The following MDGA2 variants were observed in gnomAD, a reference collection of about 807,000 sequenced individuals.
The protein encoded by MDGA2 is MAM domain-containing glycosylphosphatidylinositol anchor protein 2.
In MDGA2, 40 loss-of-function variants were observed where a neutral mutation model predicts 117.8. The ratio of observed to expected loss-of-function variants is 0.34; its 90% confidence interval spans 0.26 to 0.44. The LOEUF is 0.44. MDGA2 is among the 20% of genes least tolerant of loss of function. The probability of loss-of-function intolerance (pLI) is 1.00; values close to 1 mark genes in which losing one functional copy is unlikely to be tolerated. For synonymous variants in MDGA2, 452 were observed against 439.0 expected, an observed-to-expected ratio of 1.03 and a Z score of -0.37; for missense variants, 1,123 against 1,250.6, an observed-to-expected ratio of 0.90 and a Z score of 1.54.
intron 1 of MDGA2, among the ~76,000 whole-genome samples, chr14:47,459,230 C>G (rs1893429241): frequency 6.6e-6 from 1 of 151,858 alleles, no homozygotes; most frequent in East Asian, 1.9e-4. Flanking sequence ...CTTACTTTCT[C>G]AAGAAGGATT....
intron 3 of MDGA2, among the ~76,000 whole-genome samples, chr14:47,175,875 C>T (rs145844821): frequency 0.094 from 14,180 of 151,634 alleles, 730 homozygotes; most frequent in African/African-American, 0.11. Flanking sequence ...TGTTTGCAGA[C>T]GACATGATTG....
At chr14:46,864,944 G>C (rs148893241) in intron 14 of MDGA2, among the ~76,000 whole-genome samples, 10 of 151,998 alleles carry the variant, frequency 6.6e-5, no homozygotes, top group African/African-American at 1.7e-4. Context: ...TTCTCCTAGA[G>C]TCAGTGAAAT....
At chr14:47,025,841 T>C (rs1231638681) in intron 8 of MDGA2, among the ~76,000 whole-genome samples, 1 of 152,158 alleles carries the variant, frequency 6.6e-6, no homozygotes, top group Non-Finnish European at 1.5e-5. Flanking sequence ...CTCCACTGAT[T>C]CAATTAAAAC....
intron 1 of MDGA2, among the ~76,000 whole-genome samples, chr14:47,404,780 T>A (rs1310346637): frequency 6.6e-6 from 1 of 152,148 alleles, no homozygotes; most frequent in Non-Finnish European, 1.5e-5. Context: ...AGGTGTGAGC[T>A]ACCATGCCCA....
At chr14:47,399,398 T>G (rs1026729897) in intron 1 of MDGA2, among the ~76,000 whole-genome samples, 12 of 152,228 alleles carry the variant, frequency 7.9e-5, no homozygotes, top group African/African-American at 2.9e-4. Flanking sequence ...AAATATCTAT[T>G]TGCATAGTTG....
intron 1 of MDGA2, among the ~76,000 whole-genome samples, chr14:47,393,415 T>A (rs200339072): frequency 6.9e-5 from 10 of 144,968 alleles, no homozygotes; most frequent in Non-Finnish European, 1.2e-4. Flanking sequence ...TTAAAAAAAA[T>A]AAAAATATAA....
At chr14:47,309,977 T>G (rs1159862655) in intron 1 of MDGA2, among the ~76,000 whole-genome samples, 1 of 152,160 alleles carries the variant, frequency 6.6e-6, no homozygotes, top group African/African-American at 2.4e-5. Context: ...AAAACTATCT[T>G]GTTTGACAAG....
intron 8 of MDGA2, among the ~76,000 whole-genome samples, chr14:46,978,276 C>G (rs1886543682): frequency 6.6e-6 from 1 of 151,732 alleles, no homozygotes; most frequent in Non-Finnish European, 1.5e-5. Context: ...TGTTAGGAAC[C>G]ATTCATATTT....
intron 6 of MDGA2, among the ~76,000 whole-genome samples, chr14:47,096,232 G>C (rs199879571): frequency 6.6e-6 from 1 of 151,958 alleles, no homozygotes; most frequent in East Asian, 1.9e-4. Flanking sequence ...AACACTACTC[G>C]ACCTATAAGA....
At chr14:47,562,145 G>A (rs192408629) in intron 1 of MDGA2, among the ~76,000 whole-genome samples, 4 of 152,184 alleles carry the variant, frequency 2.6e-5, no homozygotes, top group Non-Finnish European at 4.4e-5. Flanking sequence ...TTTGTTGAGG[G>A]TTTTGGCATC....
chr14:47,268,109 G>T (rs1473667303), intron 2 of MDGA2, among the ~76,000 whole-genome samples: 2 of 144,202 alleles, frequency 1.4e-5, no homozygotes, highest in East Asian at 4.0e-4. Context: ...TTTCGTTCTT[G>T]TTGCCCAGGC....
Position 47,000,226 on chromosome 14 carries a change from A to G in MDGA2, c.1819+34785T>C, listed in dbSNP as rs569714885. On this transcript the variant is annotated intron_variant, in intron 8 of 16. Transcript: ENST00000399232. ...ACATAATTATATCTATTTAATACACAAGGAATTTAAAGGGTAGAAAGCCTG... is the reference window on the plus strand; with the variant it reads ...ACATAATTATATCTATTTAATACACGAGGAATTTAAAGGGTAGAAAGCCTG... Among the ~76,000 whole-genome samples, 29 of 149,404 alleles carry G rather than the reference A, an allele frequency of 1.9e-4. No individual in the cohort carries two copies. In the South Asian group the frequency reaches 5.9e-3, roughly 30 times the overall value.
At chr14:47,370,542 T>C (rs865994212) in intron 1 of MDGA2, among the ~76,000 whole-genome samples, 1 of 144,294 alleles carries the variant, frequency 6.9e-6, no homozygotes. Flanking sequence ...ATTTTTATGT[T>C]TGGGCATTCA....
intron 1 of MDGA2, among the ~76,000 whole-genome samples, chr14:47,570,389 G>C (rs1206056976): frequency 6.6e-6 from 1 of 152,154 alleles, no homozygotes; most frequent in Non-Finnish European, 1.5e-5. Context: ...TTTGGAGTTA[G>C]AGATATATGT....
intron 1 of MDGA2, among the ~76,000 whole-genome samples, chr14:47,493,485 T>G (rs190367022): frequency 6.6e-6 from 1 of 151,688 alleles, no homozygotes; most frequent in East Asian, 1.9e-4. Context: ...CTGGGCTGAG[T>G]TTTGTATTTT....
chr14:47,301,287 ACACC>A lies in MDGA2; in HGVS notation c.420+120_420+123del, dbSNP rs1167530654. 29 of 952,298 alleles carry A rather than the reference ACACC, an allele frequency of 3.0e-5. No homozygotes were observed. The African/African-American group carries it at 6.5e-4, about 21-fold the overall frequency. The allele number at this position is 952,298 out of a possible 1,614,324, so 59.0% of individuals were successfully genotyped here. ...ACTTGAGTTACACACACACACACCC[ACACC>A]CACCCACACACACACACACACACAC... On this transcript the variant is annotated intron_variant, in intron 2 of 16. Coordinates refer to ENST00000399232, the MANE Select transcript of MDGA2 (RefSeq NM_001113498.3).
chr14:47,386,971 C>G (rs978066700), intron 1 of MDGA2, among the ~76,000 whole-genome samples: 18 of 152,240 alleles, frequency 1.2e-4, no homozygotes, highest in African/African-American at 4.3e-4. Context: ...GTATATATGG[C>G]ACATGGTACA....
chr14:47,548,502 T>C (rs986393874), intron 1 of MDGA2, among the ~76,000 whole-genome samples: 3 of 152,178 alleles, frequency 2.0e-5, no homozygotes, highest in Non-Finnish European at 4.4e-5. Flanking sequence ...CATGCATCCA[T>C]AGAAGTCTCT....
chr14:47,016,273 A>G (rs12879334), intron 8 of MDGA2, among the ~76,000 whole-genome samples: 7,499 of 152,050 alleles, frequency 0.049, 234 homozygotes, highest in Middle Eastern at 0.078. Flanking sequence ...TGCTCTGAAG[A>G]GTAACAGTAA....
Sources: allele counts gnomAD v4.1 joint callset (sites outside exome capture counted in the v4.1 genomes callset), GRCh38; gene constraint gnomAD v4.1.1; transcripts MANE v1.5; gene names NCBI Gene and HGNC (gene_info 2026-07-23, HGNC 2026-07-21).